Variants in CAMTA1 observed in about 807,000 individuals in gnomAD.
CAMTA1 encodes calmodulin binding transcription activator 1, also known as calmodulin-binding transcription activator 1.
Under a neutral mutation model 170.9 loss-of-function variants are expected in CAMTA1, and 27 were observed. The ratio of observed to expected loss-of-function variants is 0.16; its 90% CI spans 0.12 to 0.22. The LOEUF is 0.22. Among genes scored for constraint, CAMTA1 ranks in the 10% least tolerant of loss-of-function variants. CAMTA1 has a pLI of 1.00. For missense variants in CAMTA1, 1,619 were observed against 2,217.2 expected, an observed-to-expected ratio of 0.73 and a Z score of 5.42; for synonymous variants, 833 against 891.5, an observed-to-expected ratio of 0.93 and a Z score of 1.17.
intron 7 of CAMTA1, among the ~76,000 whole-genome samples, chr1:7,658,664 G>A (rs1456858581): frequency 2.0e-5 from 3 of 152,178 alleles, no homozygotes; most frequent in Non-Finnish European, 4.4e-5. Context: ...CTGGGCATAG[G>A]GACAGGCCAG....
At chr1:6,903,023 A>G (rs1677476777) in intron 3 of CAMTA1, among the ~76,000 whole-genome samples, 1 of 152,256 alleles carries the variant, frequency 6.6e-6, no homozygotes, top group Non-Finnish European at 1.5e-5. Context: ...AAGAATGTTC[A>G]TATAAAGCCA....
Position 7,680,992 on chromosome 1 carries a change from G to C in CAMTA1, c.2914+3259G>C, listed in dbSNP as rs986383351. On this transcript the variant is annotated intron_variant, in intron 11 of 22. Transcript: ENST00000303635. The surrounding 1 kb of genome is among the most constrained non-coding windows in gnomAD (Gnocchi z 4.4). ...GGCGATCGTCCCCACGTTGGGGCCG[G>C]GGGGCAGGGACCCGACGTCCCCAAA... is the stretch of plus-strand genomic sequence containing the variant. 2.0e-5 allele frequency among the ~76,000 whole-genome samples: 3 copies of C among 146,916 alleles called. No individual in the cohort carries two copies. The highest frequency in any genetic ancestry group is 4.6e-5 in the Non-Finnish European group (3 of 65,372).
At chr1:6,886,589 A>C (rs998671284) in intron 3 of CAMTA1, among the ~76,000 whole-genome samples, 1 of 152,222 alleles carries the variant, frequency 6.6e-6, no homozygotes, top group Non-Finnish European at 1.5e-5. Flanking sequence ...TGTTTTACTC[A>C]CATTTTGTCC....
intron 5 of CAMTA1, among the ~76,000 whole-genome samples, chr1:7,404,311 C>T (rs766274239): frequency 6.6e-5 from 10 of 152,220 alleles, no homozygotes; most frequent in Non-Finnish European, 1.5e-4. Flanking sequence ...TCAGACCTCA[C>T]TCTGGCCACT....
chr1:7,718,261 C>G (rs949383277), intron 11 of CAMTA1, among the ~76,000 whole-genome samples: 1 of 152,096 alleles, frequency 6.6e-6, no homozygotes, highest in Non-Finnish European at 1.5e-5. Context: ...GTGGGCGTTC[C>G]GTAAACATTT....
intron 5 of CAMTA1, among the ~76,000 whole-genome samples, chr1:7,288,744 C>T (rs747797104): frequency 7.9e-5 from 12 of 152,166 alleles, no homozygotes; most frequent in Non-Finnish European, 1.5e-4. Context: ...TGAGCAGAAG[C>T]CAGAAAGCTA....
intron 3 of CAMTA1, among the ~76,000 whole-genome samples, chr1:6,841,723 T>C (rs1209659312): frequency 6.6e-6 from 1 of 152,194 alleles, no homozygotes; most frequent in East Asian, 1.9e-4. Context: ...GTGTAGTGTC[T>C]ACTGGAAGAG....
At chr1:7,176,900 G>A (rs1370797259) in intron 4 of CAMTA1, among the ~76,000 whole-genome samples, 2 of 152,088 alleles carry the variant, frequency 1.3e-5, no homozygotes, top group Non-Finnish European at 2.9e-5. Context: ...GGGCAGAAGT[G>A]AGTCACAAGG....
At chr1:7,112,271 AC>A (rs1644106235) in intron 4 of CAMTA1, among the ~76,000 whole-genome samples, 1 of 152,084 alleles carries the variant, frequency 6.6e-6, no homozygotes, top group Non-Finnish European at 1.5e-5. Flanking sequence ...GGACTGTATG[AC>A]CCTTAGAGAC....
At chr1:6,880,383 G>GTTTTTTTTTT (rs34745856) in intron 3 of CAMTA1, among the ~76,000 whole-genome samples, 24 of 67,208 alleles carry the variant, frequency 3.6e-4, no homozygotes, top group Non-Finnish European at 4.5e-4. Context: ...CTCTAAAAGT[G>GTTTTTTTTTT]TTTTTTTTTT....
intron 17 of CAMTA1, among the ~76,000 whole-genome samples, chr1:7,745,381 C>T (rs777106484): frequency 7.2e-5 from 11 of 152,060 alleles, no homozygotes; most frequent in East Asian, 1.9e-4. Context: ...ACAAAATTAG[C>T]CGGGCATGGT....
intron 1 of CAMTA1, among the ~76,000 whole-genome samples, chr1:6,812,103 G>A (rs191232730): frequency 6.6e-6 from 1 of 152,212 alleles, no homozygotes. Flanking sequence ...CTCAGTGGGA[G>A]CGTTTGCCTT....
intron 5 of CAMTA1, chr1:7,382,578 C>G (rs2087461241): frequency 6.6e-6 from 1 of 152,170 alleles, no homozygotes; most frequent in Non-Finnish European, 1.5e-5. Flanking sequence ...AGTTTAAATA[C>G]TCTGCCACAT....
At chr1:6,839,046 C>T (rs1164452438) in intron 3 of CAMTA1, among the ~76,000 whole-genome samples, 3 of 151,990 alleles carry the variant, frequency 2.0e-5, no homozygotes, top group Non-Finnish European at 2.9e-5. Flanking sequence ...TGTGAGCCAT[C>T]GTGCTCAGCC....
intron 6 of CAMTA1, among the ~76,000 whole-genome samples, chr1:7,593,839 C>T (rs942214677): frequency 1.3e-5 from 2 of 148,908 alleles, no homozygotes; most frequent in African/African-American, 4.9e-5. Context: ...GTCAGGAGTT[C>T]GAGAGCAGCC....
Position 7,635,416 on chromosome 1 carries a change from G to A in CAMTA1, c.511-4984G>A, listed in dbSNP as rs568577296. Among the ~76,000 whole-genome samples, 1 of 152,146 alleles carries A rather than the reference G, an allele frequency of 6.6e-6. No individual in the cohort carries two copies. Among genetic ancestry groups the A allele is most frequent in the South Asian group, 2.1e-4 (1 of 4,802 alleles). ...AGATCGGGACACCGAGACTATCCTG[G>A]CTAACACGGTGAAACCCCGTCTCTA... On this transcript the variant is annotated intron_variant, in intron 6 of 22. Transcript: ENST00000303635. This position sits in a 1 kb window ranked among gnomAD's most constrained non-coding sequence, Gnocchi z 4.4.
intron 6 of CAMTA1, among the ~76,000 whole-genome samples, chr1:7,494,392 C>A (rs1380876735): frequency 6.6e-6 from 1 of 152,230 alleles, no homozygotes; most frequent in Non-Finnish European, 1.5e-5. Flanking sequence ...ATCTCCTGAG[C>A]TGCAGGCATC....
rs1553247154 is a variant in CAMTA1 at position 7,680,872 on chromosome 1, A to AGCTGCAGCAGCAGCAGCTGCT, written c.2914+3141_2914+3142insTGCAGCAGCAGCAGCTGCTGC. 6.8e-6 allele frequency among the ~76,000 whole-genome samples: 1 copy of AGCTGCAGCAGCAGCAGCTGCT among 146,262 alleles called. No homozygotes were observed. Among genetic ancestry groups the AGCTGCAGCAGCAGCAGCTGCT allele is most frequent in the African/African-American group, 2.5e-5 (1 of 39,694 alleles). ...CGCGCGCGCGCGCGCCAGCAGCAGC[A>AGCTGCAGCAGCAGCAGCTGCT]GCAGCAGCAGCTGCTGCGGCGAAGT... On this transcript the variant is annotated intron_variant, in intron 11 of 22. Transcript: ENST00000303635. The surrounding 1 kb of genome is among the most constrained non-coding windows in gnomAD (Gnocchi z 4.4).
At chr1:7,726,729 A>G (rs2096689800) in intron 11 of CAMTA1, among the ~76,000 whole-genome samples, 1 of 152,150 alleles carries the variant, frequency 6.6e-6, no homozygotes, top group South Asian at 2.1e-4. Flanking sequence ...CTGTTCTGTG[A>G]TGAAGCAGGA....
Sources: allele counts gnomAD v4.1 joint callset (sites outside exome capture counted in the v4.1 genomes callset), GRCh38; gene constraint gnomAD v4.1.1; non-coding constraint Gnocchi (gnomAD v3.1); transcripts MANE v1.5; gene names NCBI Gene and HGNC (gene_info 2026-07-23, HGNC 2026-07-21).